The following CNTNAP3 variants were observed in gnomAD, a reference collection of about 807,000 sequenced individuals.
The protein encoded by CNTNAP3 is contactin-associated protein-like 3.
In CNTNAP3, 36 loss-of-function variants were observed where a neutral mutation model predicts 92.1. The ratio of observed to expected loss-of-function variants is 0.39; its 90% CI spans 0.30 to 0.52. The LOEUF (loss-of-function observed/expected upper bound fraction) is 0.52, where lower values mean the gene tolerates loss of function less well. Ranked by LOEUF, CNTNAP3 falls within the 20% of genes least tolerant of loss-of-function variation. The probability of loss-of-function intolerance (pLI) is 0.76; values close to 1 mark genes in which losing one functional copy is unlikely to be tolerated. For missense variants in CNTNAP3, 534 were observed against 1,069.6 expected (o/e 0.50, Z 6.98); for synonymous variants, 232 against 422.3 (o/e 0.55, Z 5.53).
chr9:39,136,160 TAATA>T (rs1563889173), intron 12 of CNTNAP3, among the ~76,000 whole-genome samples: 3 of 134,738 alleles, frequency 2.2e-5, no homozygotes, highest in East Asian at 2.6e-4. Context: ...ATAATAATAA[TAATA>T]AAAATAATAG....
chr9:39,095,617 G>T (rs140640407), intron 18 of CNTNAP3, among the ~76,000 whole-genome samples: 17,611 of 123,906 alleles, frequency 0.14, 1,489 homozygotes, highest in East Asian at 0.28. Context: ...TATTAATCTT[G>T]TGTAATATGT....
chr9:39,151,417 C>CGTGGTGGT (rs1563893552), intron 9 of CNTNAP3, among the ~76,000 whole-genome samples: 1 of 138,492 alleles, frequency 7.2e-6, no homozygotes. Context: ...ATTAGCTGGG[C>CGTGGTGGT]GTGGTGGTGG....
At chr9:39,123,391 C>A (rs918014330) in intron 13 of CNTNAP3, among the ~76,000 whole-genome samples, 1 of 152,056 alleles carries the variant, frequency 6.6e-6, no homozygotes, top group African/African-American at 2.4e-5. Context: ...TCACCGCGCC[C>A]GACCCTGTTG....
intron 18 of CNTNAP3, among the ~76,000 whole-genome samples, chr9:39,089,322 T>C (rs1490221235): frequency 6.6e-6 from 1 of 152,230 alleles, no homozygotes; most frequent in Non-Finnish European, 1.5e-5. Context: ...GTCTTTTCAA[T>C]GTGGCCTCTT....
chr9:39,084,545 CAA>C (rs1315359220), intron 21 of CNTNAP3, among the ~76,000 whole-genome samples: 2 of 152,088 alleles, frequency 1.3e-5, no homozygotes, highest in Non-Finnish European at 2.9e-5. Flanking sequence ...TACAGGGACT[CAA>C]GAGAAATATA....
At chr9:39,091,372 T>C (rs1826196708) in intron 18 of CNTNAP3, among the ~76,000 whole-genome samples, 1 of 152,114 alleles carries the variant, frequency 6.6e-6, no homozygotes, top group Non-Finnish European at 1.5e-5. Flanking sequence ...TTATCGTCTA[T>C]AATTAGTTTA....
chr9:39,136,454 AAGG>A (rs1821438331), intron 12 of CNTNAP3, among the ~76,000 whole-genome samples: 1 of 151,928 alleles, frequency 6.6e-6, no homozygotes, highest in Admixed American at 6.6e-5. Flanking sequence ...TTCACTTTTC[AAGG>A]AGAAGGTTTT....
chr9:39,097,518 A>C (rs1826354217), intron 18 of CNTNAP3, among the ~76,000 whole-genome samples: 2 of 152,020 alleles, frequency 1.3e-5, no homozygotes, highest in Non-Finnish European at 2.9e-5. Flanking sequence ...GCCACACCTG[A>C]AGACCTTATG....
intron 23 of CNTNAP3, among the ~76,000 whole-genome samples, chr9:39,074,237 C>T (rs1321763069): frequency 2.6e-5 from 4 of 151,612 alleles, no homozygotes; most frequent in Non-Finnish European, 4.4e-5. Context: ...CTGTGTTGCC[C>T]AGGCTGGTCT....
rs1023806183 is a variant in CNTNAP3 at position 39,071,206 on chromosome 9, G to A, written c.*2684C>T. On this transcript the variant is annotated 3_prime_UTR_variant, in exon 24 of 24. Transcript: ENST00000297668. ...TCTGGAAGAAAATGTTAAATTTACT[G>A]TGACTTTTCACAGTAATAGAGACAG... Among the ~76,000 whole-genome samples, 1 of 151,816 alleles carries A rather than the reference G, an allele frequency of 6.6e-6. No individual in the cohort carries two copies. The highest frequency in any genetic ancestry group is 2.4e-5 in the African/African-American group (1 of 41,186).
chr9:39,097,496 G>A (rs1826353627), intron 18 of CNTNAP3, among the ~76,000 whole-genome samples: 1 of 152,068 alleles, frequency 6.6e-6, no homozygotes, highest in South Asian at 2.1e-4. Context: ...TGGGACACAG[G>A]ATTTTCCAGC....
Position 39,070,708 on chromosome 9 carries a change from G to A in CNTNAP3, c.*3182C>T, listed in dbSNP as rs1825618375. The stretch of plus-strand genomic sequence containing the variant: ...GTTTGTAACACAAAGGATAAATGTT[G>A]AGGGGATGGATACCCCATTCTCCAT... On this transcript the variant is annotated 3_prime_UTR_variant, in exon 24 of 24. Coordinates refer to ENST00000297668, the MANE Select transcript of CNTNAP3 (RefSeq NM_033655.5). 2.0e-5 allele frequency among the ~76,000 whole-genome samples: 3 copies of A among 152,236 alleles called. No homozygotes were observed. The highest frequency in any genetic ancestry group is 4.4e-5 in the Non-Finnish European group (3 of 68,030).
At chr9:39,136,944 A>T (rs2118072794) in intron 12 of CNTNAP3, among the ~76,000 whole-genome samples, 1 of 152,276 alleles carries the variant, frequency 6.6e-6, no homozygotes, top group East Asian at 1.9e-4. Flanking sequence ...ATAGTTTGAA[A>T]ATATAAGCCT....
In CNTNAP3 at chr9:39,099,819, C is replaced by T. The variant is rs1332205183; in HGVS notation, c.2995+92G>A. On this transcript the variant is annotated intron_variant, in intron 18 of 23. Coordinates refer to ENST00000297668, the MANE Select transcript of CNTNAP3 (RefSeq NM_033655.5). ...TCCATTTCAAATAATTCAATCTTAT[C>T]CTCTCTTTATAATATCAAATGCCAG... 5.9e-6 allele frequency: 9 copies of T among 1,514,054 alleles called. 1 individual carries two copies. The highest frequency in any genetic ancestry group is 1.4e-5 in the African/African-American group (1 of 72,078). 93.8% of individuals were successfully genotyped at this position (1,514,054 alleles called of 1,614,324 possible).
chr9:39,124,990 C>G (rs1821122923), intron 13 of CNTNAP3, among the ~76,000 whole-genome samples: 1 of 152,070 alleles, frequency 6.6e-6, no homozygotes, highest in African/African-American at 2.4e-5. Flanking sequence ...CCATTTGACC[C>G]AGCCATCCCA....
intron 15 of CNTNAP3, chr9:39,106,520 A>G (rs1179558947): frequency 6.6e-6 from 1 of 152,154 alleles, no homozygotes; most frequent in Non-Finnish European, 1.5e-5. Flanking sequence ...TCCTAGGCTC[A>G]AGCCATCCTC....
intron 7 of CNTNAP3, chr9:39,174,667 A>C (rs1483022090): frequency 1.5e-6 from 1 of 669,122 alleles, no homozygotes; most frequent in Non-Finnish European, 2.8e-6. Flanking sequence ...GGATATTTCA[A>C]ACTTTAAACA....
intron 4 of CNTNAP3, among the ~76,000 whole-genome samples, chr9:39,179,149 A>G (rs1822396360): frequency 9.0e-6 from 1 of 110,660 alleles, no homozygotes; most frequent in Admixed American, 9.5e-5. Context: ...AGAAAGAAAG[A>G]AAACTGAAGT....
rs932836773 is a variant in CNTNAP3 at position 39,068,325 on chromosome 9, A to G, written c.*5565T>C. Among the ~76,000 whole-genome samples the G allele has an allele frequency of 6.6e-6, 1 of 152,262 alleles. No homozygotes were observed. Among genetic ancestry groups the G allele is most frequent in the African/African-American group, 2.4e-5 (1 of 41,474 alleles). On this transcript the variant is annotated 3_prime_UTR_variant, in exon 24 of 24. Coordinates refer to ENST00000297668, the MANE Select transcript of CNTNAP3 (RefSeq NM_033655.5). ...CAGCTACTCGGGAGGCTGAGGCAGG[A>G]GAATGGCATGAACCCTGGAGGCGGA...
Sources: gnomAD v4.1 joint callset for allele counts (sites outside exome capture counted in the v4.1 genomes callset) on GRCh38, gnomAD v4.1.1 for gene constraint, MANE v1.5 for transcripts, NCBI Gene and HGNC (gene_info 2026-07-23, HGNC 2026-07-21) for gene names.